The following ARMC8 variants were observed in gnomAD, a reference collection of about 807,000 sequenced individuals.
The protein encoded by ARMC8 is armadillo repeat containing 8, also known as armadillo repeat-containing protein 8.
In ARMC8, 20 loss-of-function variants were observed where a neutral mutation model predicts 99.3. That is an observed-to-expected ratio of 0.20 (90% confidence interval 0.14 to 0.29). The LOEUF (loss-of-function observed/expected upper bound fraction) is 0.29, where lower values mean the gene tolerates loss of function less well. Ranked by LOEUF, ARMC8 falls within the 10% of genes least tolerant of loss-of-function variation. ARMC8 has a pLI of 1.00. For missense variants in ARMC8, 569 were observed against 809.5 expected, an observed-to-expected ratio of 0.70 and a Z score of 3.60; for synonymous variants, 263 against 278.3, an observed-to-expected ratio of 0.95 and a Z score of 0.55.
intron 9 of ARMC8, chr3:138,238,939 A>AT (rs968233003): frequency 3.3e-5 from 5 of 152,236 alleles, no homozygotes; most frequent in Middle Eastern, 6.3e-3. Context: ...GTAGAACCAA[A>AT]TTATTGACTC....
At chr3:138,188,518 G>A (rs2043201989) in intron 1 of ARMC8, 3 of 1,613,956 alleles carry the variant, frequency 1.9e-6, no homozygotes, top group Non-Finnish European at 2.5e-6. Context: ...CGAGCTGTCC[G>A]ACTCTGAGAA....
intron 14 of ARMC8, 26 bp downstream of exon 14, chr3:138,264,238 C>T (rs1045838057): frequency 6.3e-7 from 1 of 1,583,638 alleles, no homozygotes; most frequent in Non-Finnish European, 8.7e-7. Context: ...CAGCCAGTAA[C>T]AGCTGTACTC....
At chr3:138,279,180 A>G (rs911270498) in intron 18 of ARMC8, among the ~76,000 whole-genome samples, 1 of 152,224 alleles carries the variant, frequency 6.6e-6, no homozygotes, top group Non-Finnish European at 1.5e-5. Context: ...AGAAAGGAAA[A>G]GAAATTATCT....
intron 9 of ARMC8, chr3:138,238,001 T>C (rs2046415424): frequency 2.0e-5 from 3 of 152,930 alleles, no homozygotes; most frequent in South Asian, 4.1e-4. Context: ...TCCTCATCTT[T>C]TAAGGAAAAA....
chr3:138,242,547 C>G (rs560724937), intron 11 of ARMC8, among the ~76,000 whole-genome samples: 1 of 152,054 alleles, frequency 6.6e-6, no homozygotes, highest in Non-Finnish European at 1.5e-5. Context: ...TAGAATAGAT[C>G]GGTATTTATT....
chr3:138,276,512 G>A (rs938428348), intron 18 of ARMC8, among the ~76,000 whole-genome samples: 8 of 152,116 alleles, frequency 5.3e-5, no homozygotes, highest in Non-Finnish European at 8.8e-5. Context: ...GATTGGAAAG[G>A]ACAGTATGAA....
chr3:138,244,770 C>T (rs1490250531), intron 11 of ARMC8, among the ~76,000 whole-genome samples: 1 of 152,184 alleles, frequency 6.6e-6, no homozygotes, highest in Non-Finnish European at 1.5e-5. Flanking sequence ...AGCATTAGTG[C>T]CAGTAAAGCT....
intron 12 of ARMC8, among the ~76,000 whole-genome samples, chr3:138,249,992 A>G (rs1011537854): frequency 6.6e-6 from 1 of 152,136 alleles, no homozygotes; most frequent in Non-Finnish European, 1.5e-5. Flanking sequence ...TTCATTTTAC[A>G]TTTTCAAGAA....
chr3:138,296,497 A>G lies in ARMC8; in HGVS notation c.*605A>G, dbSNP rs932834530. 6.6e-6 allele frequency: 1 copy of G among 152,190 alleles called. No individual in the cohort carries two copies. Among genetic ancestry groups the G allele is most frequent in the African/African-American group, 2.4e-5 (1 of 41,448 alleles). The allele number at this position is 152,190 out of a possible 1,614,324, so 9.4% of individuals were successfully genotyped here. Reference sequence around the variant, plus strand: ...TCAGATGAATATTTGTAAGTAAAAAATATATGCATTTCTGAACCTCAACTT... The same window carrying G: ...TCAGATGAATATTTGTAAGTAAAAAGTATATGCATTTCTGAACCTCAACTT... On this transcript the variant is annotated 3_prime_UTR_variant, in exon 22 of 22. Transcript: ENST00000469044.
intron 6 of ARMC8, among the ~76,000 whole-genome samples, chr3:138,231,521 ACACT>A (rs1250527233): frequency 2.8e-4 from 43 of 152,174 alleles, no homozygotes; most frequent in Non-Finnish European, 1.5e-5. Context: ...TGAGCAGAAA[ACACT>A]CACTAGAAAT....
chr3:138,295,577 C>T (rs2051409161), intron 21 of ARMC8, among the ~76,000 whole-genome samples: 1 of 152,214 alleles, frequency 6.6e-6, no homozygotes, highest in South Asian at 2.1e-4. Context: ...AGAATGTCAG[C>T]ACATACCAGG....
chr3:138,257,665 C>A (rs1362700107), intron 12 of ARMC8, among the ~76,000 whole-genome samples: 1 of 151,944 alleles, frequency 6.6e-6, no homozygotes, highest in Non-Finnish European at 1.5e-5. Context: ...GTGCTCATTT[C>A]CTAAAAAATA....
chr3:138,258,445 T>TA (rs1405654237), intron 12 of ARMC8, among the ~76,000 whole-genome samples: 1 of 152,242 alleles, frequency 6.6e-6, no homozygotes, highest in Non-Finnish European at 1.5e-5. Flanking sequence ...TTGGATCTAC[T>TA]AAAGGTCATG....
intron 19 of ARMC8, among the ~76,000 whole-genome samples, chr3:138,287,162 G>C (rs1345754956): frequency 4.6e-5 from 7 of 152,142 alleles, no homozygotes; most frequent in Admixed American, 3.3e-4. Context: ...ATCAGATCTT[G>C]TCCCTCCACT....
intron 18 of ARMC8, among the ~76,000 whole-genome samples, chr3:138,276,609 TTGTATTTTTA>T (rs1480395581): frequency 3.3e-5 from 5 of 152,356 alleles, no homozygotes; most frequent in Non-Finnish European, 4.4e-5. Context: ...GAAAAGGCAG[TTGTATTTTTA>T]TATACTAGCA....
At chr3:138,251,660 A>G (rs1028012408) in intron 12 of ARMC8, among the ~76,000 whole-genome samples, 1 of 152,226 alleles carries the variant, frequency 6.6e-6, no homozygotes, top group Non-Finnish European at 1.5e-5. Flanking sequence ...CCACTTGCCC[A>G]CAGTATTGAG....
At chr3:138,260,334 A>G (rs1267594126) in intron 12 of ARMC8, among the ~76,000 whole-genome samples, 2 of 152,190 alleles carry the variant, frequency 1.3e-5, no homozygotes, top group African/African-American at 4.8e-5. Context: ...AAGATTGGAG[A>G]TAAAATAATC....
intron 19 of ARMC8, among the ~76,000 whole-genome samples, chr3:138,288,783 G>A (rs921635326): frequency 2.6e-5 from 4 of 151,254 alleles, no homozygotes; most frequent in East Asian, 3.9e-4. Flanking sequence ...GATTACAGGC[G>A]CCCGCCACTA....
chr3:138,258,835 A>G (rs2047527572), intron 12 of ARMC8, among the ~76,000 whole-genome samples: 1 of 152,322 alleles, frequency 6.6e-6, no homozygotes, highest in Non-Finnish European at 1.5e-5. Flanking sequence ...GCCCCTAGAA[A>G]AGCCTAGGAA....
Sources: allele counts gnomAD v4.1 joint callset (sites outside exome capture counted in the v4.1 genomes callset), GRCh38; gene constraint gnomAD v4.1.1; transcripts MANE v1.5; gene names NCBI Gene and HGNC (gene_info 2026-07-23, HGNC 2026-07-21).